ADAT1: variants seen among roughly 807,000 people sequenced by gnomAD.
ADAT1 encodes the protein adenosine deaminase tRNA specific 1.
A neutral mutation model predicts 58.6 loss-of-function variants in ADAT1; 58 were observed. That is an observed-to-expected ratio of 0.99 (90% CI 0.80 to 1.23). The LOEUF (loss-of-function observed/expected upper bound fraction) is 1.23. Among genes scored for constraint, ADAT1 ranks in the 50% most tolerant of loss-of-function variants. The pLI, the probability that ADAT1 is intolerant of heterozygous loss-of-function variation, is 0.00. For synonymous variants in ADAT1, 254 were observed against 220.8 expected (o/e 1.15, Z -1.33); for missense variants, 741 against 608.6 (o/e 1.22, Z -2.29).
At chr16:75,607,930 A>G (rs1021770195) in intron 8 of ADAT1, among the ~76,000 whole-genome samples, 1 of 152,252 alleles carries the variant, frequency 6.6e-6, no homozygotes, top group African/African-American at 2.4e-5. Flanking sequence ...GTACTGATAC[A>G]GCTACCTCAG....
rs754832112 is a variant in ADAT1 at position 75,612,346 on chromosome 16, C to T, written c.940G>A (p.Ala314Thr). The change falls in exon 6 of 10, where the codon GCA becomes ACA. Residue 314 changes from alanine to threonine, a missense_variant. Physicochemically the swap from Ala to Thr is moderately conservative, Grantham distance 58 (BLOSUM62 0). Transcript: ENST00000564657. The stretch of plus-strand genomic sequence containing the variant: ...TCTTCCAGCAAGTGCATCAACAGTG[C>T]CCCTTGGCATCCGAGGACGTTCCAT... ...ARWNVLGCQG[A>T]LLMHLLEEPI... 12 of 1,614,198 alleles carry T rather than the reference C, an allele frequency of 7.4e-6. No homozygotes were observed. The highest frequency in any genetic ancestry group is 1.0e-5 in the Non-Finnish European group (12 of 1,180,040).
At position 75,599,862 on chromosome 16, in the gene ADAT1, A is replaced by G; in HGVS notation, c.*354T>C. On this transcript the variant is annotated 3_prime_UTR_variant, in exon 10 of 10. Coordinates refer to ENST00000564657, the MANE Select transcript of ADAT1 (RefSeq NM_001324445.2). Reference sequence around the variant, plus strand: ...TAAAACTTGCAGAGCGTCAAACATCATTTCAGCTCAATAAATATTTGCTGA... The same window carrying G: ...TAAAACTTGCAGAGCGTCAAACATCGTTTCAGCTCAATAAATATTTGCTGA... 9.9e-7 allele frequency: 1 copy of G among 1,012,046 alleles called. No homozygotes were observed. Among genetic ancestry groups the G allele is most frequent in the Non-Finnish European group, 1.2e-6 (1 of 847,188 alleles). 62.7% of individuals were successfully genotyped at this position (1,012,046 alleles called of 1,614,324 possible).
intron 5 of ADAT1, among the ~76,000 whole-genome samples, chr16:75,615,432 T>C (rs1275834608): frequency 3.8e-5 from 5 of 133,160 alleles, no homozygotes; most frequent in Non-Finnish European, 7.7e-5. Flanking sequence ...ATAAAAATTG[T>C]CTTGGGCCAC....
chr16:75,599,201 C>A lies in ADAT1; in HGVS notation c.*1015G>T. ...GGTTCAAGCAATTCTCCTGCCTCAG[C>A]CTCCCGAGTAGCTAGGATTACAGGT... On this transcript the variant is annotated 3_prime_UTR_variant, in exon 10 of 10. Coordinates refer to ENST00000564657, the MANE Select transcript of ADAT1 (RefSeq NM_001324445.2). 1 of 887,276 alleles carries A rather than the reference C, an allele frequency of 1.1e-6. No homozygotes were observed. The highest frequency in any genetic ancestry group is 1.3e-6 in the Non-Finnish European group (1 of 741,288). The allele number at this position is 887,276 out of a possible 1,614,324, so 55.0% of individuals were successfully genotyped here. A position where few individuals can be genotyped will look rare whatever the true frequency, so the allele number is the denominator to read the frequency against.
chr16:75,600,227 G>A lies in ADAT1; in HGVS notation c.1498C>T (p.Gln500Ter), dbSNP rs192646642. 2.5e-6 allele frequency: 4 copies of A among 1,614,172 alleles called. No individual in the cohort carries two copies. The African/African-American group carries it at 4.0e-5, about 16-fold the overall frequency. Residue 500 changes from glutamine (Q) to a stop codon, truncating the protein, a stop_gained, in exon 10 of 10, where the codon CAG becomes TAG. Coordinates refer to ENST00000564657, the MANE Select transcript of ADAT1 (RefSeq NM_001324445.2). LOFTEE classifies it high-confidence loss of function. ...SWIRNPPDYH[Q>*]FK ...CAAACATTTCCTTCTCACTTGAACTGGTGATAATCCGGTGGGTTTCTGATC... is the reference window on the plus strand; with the variant it reads ...CAAACATTTCCTTCTCACTTGAACTAGTGATAATCCGGTGGGTTTCTGATC...
At chr16:75,614,881 A>G (rs1289739238) in intron 5 of ADAT1, among the ~76,000 whole-genome samples, 1 of 152,168 alleles carries the variant, frequency 6.6e-6, no homozygotes, top group African/African-American at 2.4e-5. Context: ...GATTTTTAAG[A>G]TGAACAGAGG....
At chr16:75,616,539 T>A (rs181346475) in intron 5 of ADAT1, among the ~76,000 whole-genome samples, 15 of 152,218 alleles carry the variant, frequency 9.9e-5, no homozygotes, top group Non-Finnish European at 1.8e-4. Context: ...TTATTTTCAA[T>A]TTTTAAGAAA....
intron 3 of ADAT1, among the ~76,000 whole-genome samples, chr16:75,619,369 A>G (rs529944823): frequency 6.6e-6 from 1 of 152,234 alleles, no homozygotes; most frequent in East Asian, 1.9e-4. Flanking sequence ...CAAAATAAAA[A>G]TGAAAAAAAT....
intron 3 of ADAT1, chr16:75,619,506 C>A: frequency 2.4e-6 from 1 of 419,028 alleles, no homozygotes; most frequent in South Asian, 1.7e-5. Flanking sequence ...CACCGTACTT[C>A]AGTGAGACCC....
At position 75,622,834 on chromosome 16, in the gene ADAT1, G is replaced by A. The variant is rs1171853780; in HGVS notation, c.-453C>T. On this transcript the variant is annotated 5_prime_UTR_variant, in exon 1 of 10. Coordinates refer to ENST00000564657, the MANE Select transcript of ADAT1 (RefSeq NM_001324445.2). ...GGAAGTCGGCTGCCAGGGGAGAAAA[G>A]GCTTCAGCGATGCTTGGAGGAAGGG... The A allele has an allele frequency of 6.6e-6, 1 of 152,176 alleles. No homozygotes were observed. The highest frequency in any genetic ancestry group is 1.5e-5 in the Non-Finnish European group (1 of 68,040). 9.4% of individuals were successfully genotyped at this position (152,176 alleles called of 1,614,324 possible).
intron 9 of ADAT1, 59 bp downstream of exon 9, chr16:75,603,026 A>G: frequency 6.6e-7 from 1 of 1,505,710 alleles, no homozygotes; most frequent in Non-Finnish European, 9.2e-7. Context: ...GCTACTCAGA[A>G]GCCAGAATCA....
Position 75,599,450 on chromosome 16 carries a change from A to G in ADAT1, c.*766T>C. On this transcript the variant is annotated 3_prime_UTR_variant, in exon 10 of 10. Coordinates refer to ENST00000564657, the MANE Select transcript of ADAT1 (RefSeq NM_001324445.2). Reference sequence around the variant, plus strand: ...AAAACCAACACAAACAGGCTTAATCAAAATAACAACAGGAATCTGTCTCAC... The same window carrying G: ...AAAACCAACACAAACAGGCTTAATCGAAATAACAACAGGAATCTGTCTCAC... 1 of 985,866 alleles carries G rather than the reference A, an allele frequency of 1.0e-6. No individual in the cohort carries two copies. The highest frequency in any genetic ancestry group is 1.2e-6 in the Non-Finnish European group (1 of 829,940). The allele number at this position is 985,866 out of a possible 1,614,324, so 61.1% of individuals were successfully genotyped here. A position where few individuals can be genotyped will look rare whatever the true frequency, so the allele number is the denominator to read the frequency against.
At chr16:75,608,012 T>C (rs960023867) in intron 8 of ADAT1, among the ~76,000 whole-genome samples, 1 of 152,184 alleles carries the variant, frequency 6.6e-6, no homozygotes, top group African/African-American at 2.4e-5. Context: ...AGGATTCCAA[T>C]GATAGAAAAT....
At chr16:75,607,900 A>T (rs997403651) in intron 8 of ADAT1, among the ~76,000 whole-genome samples, 2 of 152,238 alleles carry the variant, frequency 1.3e-5, no homozygotes, top group Non-Finnish European at 2.9e-5. Context: ...GATATTATTC[A>T]AGTCATGAAT....
rs948802234 is a variant in ADAT1, at chr16:75,618,138, G to C, written c.293+448C>G. Among the ~76,000 whole-genome samples the C allele has an allele frequency of 4.0e-4, 57 of 142,124 alleles. 1 individual carries two copies. The highest frequency in any genetic ancestry group is 1.4e-3 in the African/African-American group (53 of 38,090). The allele number at this position is 142,124 out of a possible 152,430, so 93.2% of individuals were successfully genotyped here. ...AAAAAAAAAAAAGAGAGAACCACTA[G>C]TCTAGACCACATTACTACTCAAAAG... On this transcript the variant is annotated intron_variant, in intron 4 of 9. Coordinates refer to ENST00000564657, the MANE Select transcript of ADAT1 (RefSeq NM_001324445.2).
chr16:75,620,228 C>A (rs988565390), intron 3 of ADAT1, 38 bp downstream of exon 3: 4 of 1,604,838 alleles, frequency 2.5e-6, no homozygotes, highest in Non-Finnish European at 3.4e-6. Context: ...ACACTGGTTT[C>A]AAGCTAAATC....
rs199497478 is a variant in ADAT1 at position 75,622,636 on chromosome 16, C to T, written c.-255G>A. Reference sequence around the variant, plus strand: ...ATTGTTTAAATGAATAAATGTTTTGCTACACTGGGTCCATTATAATTCGAG... The same window carrying T: ...ATTGTTTAAATGAATAAATGTTTTGTTACACTGGGTCCATTATAATTCGAG... On this transcript the variant is annotated 5_prime_UTR_variant, in exon 1 of 10. An upstream open reading frame in the 5' UTR loses its in-frame stop. Coordinates refer to ENST00000564657, the MANE Select transcript of ADAT1 (RefSeq NM_001324445.2). 1 of 151,832 alleles carries T rather than the reference C, an allele frequency of 6.6e-6. No homozygotes were observed. The highest frequency in any genetic ancestry group is 1.9e-4 in the East Asian group (1 of 5,164). 9.4% of individuals were successfully genotyped at this position (151,832 alleles called of 1,614,324 possible).
intron 7 of ADAT1, 59 bp from the exon 8 acceptor site, chr16:75,608,382 T>A: frequency 7.2e-7 from 1 of 1,389,662 alleles, no homozygotes; most frequent in Non-Finnish European, 1.0e-6. Context: ...AAGTCAGAAG[T>A]ATTTTAATAA....
chr16:75,622,968 A>C lies in ADAT1; in HGVS notation c.-587T>G, dbSNP rs2081976868. 6.6e-6 allele frequency: 1 copy of C among 152,314 alleles called. No homozygotes were observed. The highest frequency in any genetic ancestry group is 1.5e-5 in the Non-Finnish European group (1 of 68,114). The allele number at this position is 152,314 out of a possible 1,614,324, so 9.4% of individuals were successfully genotyped here. On this transcript the variant is annotated 5_prime_UTR_variant, in exon 1 of 10. Coordinates refer to ENST00000564657, the MANE Select transcript of ADAT1 (RefSeq NM_001324445.2). ...CCGAGTCGGCCAGTTACAGGATAGGAGGTGCCAGGCAAGGCACTGAAGCCA... is the reference window on the plus strand; with the variant it reads ...CCGAGTCGGCCAGTTACAGGATAGGCGGTGCCAGGCAAGGCACTGAAGCCA...
Sources: allele counts gnomAD v4.1 joint callset (sites outside exome capture counted in the v4.1 genomes callset), GRCh38; gene constraint gnomAD v4.1.1; transcripts MANE v1.5; gene names NCBI Gene and HGNC (gene_info 2026-07-23, HGNC 2026-07-21).